Variants in ZFHX3 observed in about 807,000 individuals in gnomAD.
ZFHX3 encodes the protein zinc finger homeobox protein 3.
A neutral mutation model predicts 279.1 loss-of-function variants in ZFHX3; 42 were observed. That is an observed-to-expected ratio of 0.15 (90% confidence interval 0.12 to 0.19). ZFHX3 has a LOEUF of 0.19. Among genes scored for constraint, ZFHX3 ranks in the 10% least tolerant of loss-of-function variants. The pLI, the probability that ZFHX3 is intolerant of heterozygous loss-of-function variation, is 1.00. For synonymous variants in ZFHX3, 2,293 were observed against 1,957.8 expected (o/e 1.17, Z -4.52); for missense variants, 4,981 against 4,754.0 (o/e 1.05, Z -1.40).
intron 5 of ZFHX3, among the ~76,000 whole-genome samples, chr16:73,209,677 T>C (rs2011939815): frequency 6.6e-6 from 1 of 152,210 alleles, no homozygotes; most frequent in African/African-American, 2.4e-5. Context: ...TTTTGCATTT[T>C]TGTAAATCTT....
At chr16:73,184,289 G>C (rs544920399) in intron 5 of ZFHX3, among the ~76,000 whole-genome samples, 10 of 152,322 alleles carry the variant, frequency 6.6e-5, no homozygotes, top group African/African-American at 2.4e-4. Context: ...GTGATCAAGA[G>C]ACAGCAATGC....
intron 4 of ZFHX3, among the ~76,000 whole-genome samples, chr16:73,265,362 T>C (rs184530754): frequency 1.3e-5 from 2 of 152,108 alleles, no homozygotes; most frequent in East Asian, 3.9e-4. Context: ...CCAGCTGGAG[T>C]CAGCTTTGCT....
chr16:73,468,251 C>T (rs75286776), intron 2 of ZFHX3, among the ~76,000 whole-genome samples: 245 of 152,226 alleles, frequency 1.6e-3, no homozygotes, highest in African/African-American at 5.7e-3. Context: ...GCCTCCTGGC[C>T]CAGGATGACT....
At chr16:73,652,966 T>C (rs1196572735) in intron 2 of ZFHX3, among the ~76,000 whole-genome samples, 2 of 152,044 alleles carry the variant, frequency 1.3e-5, no homozygotes, top group Non-Finnish European at 1.5e-5. Flanking sequence ...AATCAATTCA[T>C]AATGATGTTT....
chr16:73,362,484 C>T (rs751248384), intron 3 of ZFHX3, among the ~76,000 whole-genome samples: 1 of 152,156 alleles, frequency 6.6e-6, no homozygotes, highest in Non-Finnish European at 1.5e-5. Context: ...ACAGCAGGAG[C>T]GTCTAATGGG....
At chr16:73,877,747 T>A (rs2030000670) in intron 1 of ZFHX3, among the ~76,000 whole-genome samples, 2 of 151,952 alleles carry the variant, frequency 1.3e-5, no homozygotes, top group South Asian at 2.1e-4. Flanking sequence ...AGGAAAAAAA[T>A]TAAAGTTTTA....
chr16:73,779,361 A>T (rs1200742677), intron 1 of ZFHX3, among the ~76,000 whole-genome samples: 2 of 152,188 alleles, frequency 1.3e-5, no homozygotes, highest in African/African-American at 2.4e-5. Context: ...AAAAGAATTC[A>T]TCTGAGAAAA....
Position 72,794,663 on chromosome 16 carries a change from G to C in ZFHX3, c.8019C>G (p.His2673Gln). ...TCTTCAAGCCCACCTCGTGTGCAAT[G>C]TGATCCAACATCTTTCGAGTCGGAT... is the stretch of plus-strand genomic sequence containing the variant. ...DSNPTRKMLD[H>Q]IAHEVGLKKR... The change falls in exon 9 of 10, where the codon CAC becomes CAG. Residue 2673 changes from histidine (H) to glutamine (Q), a missense_variant. Physicochemically the swap from His to Gln is conservative, Grantham distance 24 (BLOSUM62 0). Around this residue, in one of 7 missense-constraint regions of ZFHX3, gnomAD observed 744 missense variants for 701.3 expected, o/e 1.06. Transcript: ENST00000268489. The surrounding 1 kb of genome is among the most constrained non-coding windows in gnomAD (Gnocchi z 4.2). The C allele has an allele frequency of 6.2e-7, 1 of 1,614,246 alleles. No homozygotes were observed. The highest frequency in any genetic ancestry group is 8.5e-7 in the Non-Finnish European group (1 of 1,180,050).
chr16:73,180,482 G>T (rs1410264908), intron 5 of ZFHX3, among the ~76,000 whole-genome samples: 1 of 152,220 alleles, frequency 6.6e-6, no homozygotes, highest in African/African-American at 2.4e-5. Context: ...GGAGACGTGA[G>T]TGGGCACGAA....
chr16:72,973,271 G>C (rs1019627781), intron 1 of ZFHX3: 2 of 152,222 alleles, frequency 1.3e-5, no homozygotes, highest in African/African-American at 4.8e-5. Context: ...GGAAAGATCA[G>C]TCTGGCTTTC....
intron 1 of ZFHX3, among the ~76,000 whole-genome samples, chr16:73,018,800 T>C (rs2144644209): frequency 6.6e-6 from 1 of 152,260 alleles, no homozygotes; most frequent in Non-Finnish European, 1.5e-5. Context: ...TCCTCAATGC[T>C]TGCCACTGTG....
chr16:73,365,589 T>C (rs765663369), intron 3 of ZFHX3, among the ~76,000 whole-genome samples: 38 of 152,196 alleles, frequency 2.5e-4, no homozygotes, highest in Admixed American at 2.2e-3. Flanking sequence ...TGGCTTGATG[T>C]CAGCCCAATT....
intron 4 of ZFHX3, among the ~76,000 whole-genome samples, chr16:73,306,753 G>A (rs1428989015): frequency 6.6e-6 from 1 of 152,200 alleles, no homozygotes. Context: ...AGCAGTGACA[G>A]GCTGCTAGAC....
chr16:73,284,044 C>T (rs1036067916), intron 4 of ZFHX3, among the ~76,000 whole-genome samples: 21 of 152,188 alleles, frequency 1.4e-4, no homozygotes, highest in African/African-American at 4.1e-4. Flanking sequence ...CCTGGCCAGG[C>T]GCGGTGGCTC....
At position 73,617,947 on chromosome 16, in the gene ZFHX3, C is replaced by A. The variant is rs184735660; in HGVS notation, c.-1547+62233G>T. ...ACGTTGACTCCCAAGGCAGTGCTAC[C>A]CATGAACCTCTGGCTCTGCACATTG... is the stretch of plus-strand genomic sequence containing the variant. On this transcript the variant is annotated intron_variant, in intron 2 of 17. Transcript: ENST00000641206. 7.9e-5 allele frequency among the ~76,000 whole-genome samples: 12 copies of A among 152,276 alleles called. No homozygotes were observed. The East Asian group carries it at 1.9e-3, about 24-fold the overall frequency.
At chr16:73,143,809 G>C (rs1443575007) in exon 6 of ZFHX3, 1 of 1,303,594 alleles carries the variant, frequency 7.7e-7, no homozygotes, top group South Asian at 1.2e-5. Context: ...GACTTCTGGG[G>C]GTTGTAACTT....
chr16:73,549,256 A>G (rs917607667), intron 2 of ZFHX3, among the ~76,000 whole-genome samples: 7 of 152,182 alleles, frequency 4.6e-5, no homozygotes, highest in Non-Finnish European at 7.4e-5. Flanking sequence ...TCAATATGAA[A>G]AACAGCATTA....
chr16:73,088,172 G>A (rs376174492), intron 8 of ZFHX3, among the ~76,000 whole-genome samples: 17 of 150,960 alleles, frequency 1.1e-4, no homozygotes, highest in African/African-American at 4.1e-4. Flanking sequence ...TTGAGAGAGG[G>A]TCTCCCTCTG....
At chr16:73,572,993 C>T (rs529709691) in intron 2 of ZFHX3, among the ~76,000 whole-genome samples, 3 of 152,258 alleles carry the variant, frequency 2.0e-5, no homozygotes, top group African/African-American at 4.8e-5. Context: ...TTTTCATTAT[C>T]GGAACAGCTT....
Sources: allele counts gnomAD v4.1 joint callset (sites outside exome capture counted in the v4.1 genomes callset), GRCh38; gene constraint gnomAD v4.1.1; regional missense constraint gnomAD v4.1.1; non-coding constraint Gnocchi (gnomAD v3.1); transcripts MANE v1.5; gene names NCBI Gene and HGNC (gene_info 2026-07-23, HGNC 2026-07-21).